The following GRID2IP variants were observed in gnomAD, a reference collection of about 807,000 sequenced individuals.
The protein encoded by GRID2IP is delphilin.
GRID2IP carries 78 observed loss-of-function variants against 114.3 expected under a neutral mutation model. The observed-to-expected ratio is 0.68, with a 90% CI of 0.57 to 0.82. GRID2IP has a LOEUF of 0.82. GRID2IP is among the 40% of genes least tolerant of loss of function. The pLI is 0.00. For missense variants in GRID2IP, 1,727 were observed against 1,678.5 expected (o/e 1.03, Z -0.51); for synonymous variants, 809 against 724.0 (o/e 1.12, Z -1.89).
Position 6,539,821 on chromosome 7 carries a change from C to T in GRID2IP, c.481G>A (p.Ala161Thr). 1 of 1,551,202 alleles carries T rather than the reference C, an allele frequency of 6.4e-7. No homozygotes were observed. The highest frequency in any genetic ancestry group is 8.7e-7 in the Non-Finnish European group (1 of 1,146,958). The part of the protein sequence containing the change: ...QPTAKEQVFA[A>T]LKQFAAEQRV... ...TGCTCAGCTGCAAACTGCTTCAGTG[C>T]AGCGAACACCTGCTCCTTGGCAGTT... Residue 161 changes from alanine to threonine, a missense_variant, in exon 2 of 22, where the codon GCA becomes ACA. By Grantham distance (58) the Ala-to-Thr change is moderately conservative (BLOSUM62 0). Transcript: ENST00000457091.
Position 6,503,784 on chromosome 7 carries a change from A to C in GRID2IP, c.2711-97T>G, listed in dbSNP as rs1182565086. ...CAGGGCAGAGGCGGGGAGAGGGCGG[A>C]CACGGGGCGGGGCCTAGGGGAGAGG... is the stretch of plus-strand genomic sequence containing the variant. On this transcript the variant is annotated intron_variant, in intron 15 of 21. Coordinates refer to ENST00000457091, the MANE Select transcript of GRID2IP (RefSeq NM_001145118.2). The C allele has an allele frequency of 6.9e-6, 6 of 872,624 alleles. No individual in the cohort carries two copies. In the African/African-American group the frequency reaches 1.1e-4, roughly 16 times the overall value. The allele number at this position is 872,624 out of a possible 1,614,324, so 54.1% of individuals were successfully genotyped here. A position where few individuals can be genotyped will look rare whatever the true frequency, so the allele number is the denominator to read the frequency against.
intron 8 of GRID2IP, among the ~76,000 whole-genome samples, chr7:6,512,478 C>T: frequency 6.6e-6 from 1 of 151,454 alleles, no homozygotes; most frequent in Non-Finnish European, 1.5e-5. Flanking sequence ...GTAGCTGGGA[C>T]TACAGGTGCA....
At chr7:6,501,022 A>G (rs1433879004) in intron 20 of GRID2IP, among the ~76,000 whole-genome samples, 1 of 152,206 alleles carries the variant, frequency 6.6e-6, no homozygotes, top group African/African-American at 2.4e-5. Flanking sequence ...CTCTGGCTTC[A>G]GTTTCACACA....
chr7:6,514,640 C>G lies in GRID2IP; in HGVS notation c.1269-111G>C, dbSNP rs527309828. 7.4e-5 allele frequency: 70 copies of G among 942,454 alleles called. No homozygotes were observed. In the African/African-American group the frequency reaches 1.0e-3, roughly 14 times the overall value. The allele number at this position is 942,454 out of a possible 1,614,324, so 58.4% of individuals were successfully genotyped here. ...AAGCCACAGCGTCTGCCCTCATGCC[C>G]TATCCCTACCCTTCAAAGACAGAAG... On this transcript the variant is annotated intron_variant, in intron 7 of 21. Transcript: ENST00000457091.
At position 6,501,975 on chromosome 7, in the gene GRID2IP, C is replaced by A; in HGVS notation, c.3280+14G>T. On this transcript the variant is annotated intron_variant, in intron 19 of 21. Transcript: ENST00000457091. ...CAGCATGCCTCTGCCTCCCCATCCA[C>A]CCACCCAGCATACCTTTGGCAGCCA... is the stretch of plus-strand genomic sequence containing the variant. 1 of 1,551,068 alleles carries A rather than the reference C, an allele frequency of 6.4e-7. No individual in the cohort carries two copies. Among genetic ancestry groups the A allele is most frequent in the Non-Finnish European group, 8.7e-7 (1 of 1,146,696 alleles).
chr7:6,521,366 C>T lies in GRID2IP; in HGVS notation c.1084+63G>A. Reference sequence around the variant, plus strand: ...TGAGTCCTCCGCACTGTGACTCTCACATATAGCAGCCTGGGCAGGGTCTCT... The same window carrying T: ...TGAGTCCTCCGCACTGTGACTCTCATATATAGCAGCCTGGGCAGGGTCTCT... On this transcript the variant is annotated intron_variant, in intron 6 of 21. Transcript: ENST00000457091. This position sits in a 1 kb window ranked among gnomAD's most constrained non-coding sequence, Gnocchi z 4.1. The T allele has an allele frequency of 8.2e-7, 1 of 1,220,596 alleles. No homozygotes were observed. 75.6% of individuals were successfully genotyped at this position (1,220,596 alleles called of 1,614,324 possible).
At chr7:6,511,845 CCTTCCTTCT>C (rs1040840517) in intron 8 of GRID2IP, among the ~76,000 whole-genome samples, 3 of 151,998 alleles carry the variant, frequency 2.0e-5, no homozygotes, top group African/African-American at 7.2e-5. Flanking sequence ...CCTTTCCTTT[CCTTCCTTCT>C]CTTCCTTCTC....
chr7:6,521,501 C>T lies in GRID2IP; in HGVS notation c.1012G>A (p.Val338Met), dbSNP rs1779411033. Residue 338 changes from valine to methionine, a missense_variant, in exon 6 of 22, where the codon GTG becomes ATG. Val to Met is a conservative substitution (Grantham distance 21). Coordinates refer to ENST00000457091, the MANE Select transcript of GRID2IP (RefSeq NM_001145118.2). This position sits in a 1 kb window ranked among gnomAD's most constrained non-coding sequence, Gnocchi z 4.1. ...GCACCACTGCCCTGCAGCATGGACA[C>T]CACCTTGTCGTGGGAGCAGTTCCTG... is the stretch of plus-strand genomic sequence containing the variant. Reference protein sequence around the residue: ...DMRNCSHDKVVSMLQGSGAMP... With the variant: ...DMRNCSHDKVMSMLQGSGAMP... 6.5e-7 allele frequency: 1 copy of T among 1,549,190 alleles called. No homozygotes were observed. Among genetic ancestry groups the T allele is most frequent in the South Asian group, 1.2e-5 (1 of 83,742 alleles).
chr7:6,504,956 G>T, intron 14 of GRID2IP, 86 bp from the exon 15 acceptor site: 1 of 1,039,952 alleles, frequency 9.6e-7, no homozygotes, highest in Non-Finnish European at 1.5e-6. Flanking sequence ...ACAGCCAACA[G>T]CCACTATCCC....
Position 6,521,396 on chromosome 7 carries a change from G to T in GRID2IP, c.1084+33C>A. On this transcript the variant is annotated intron_variant, in intron 6 of 21. Coordinates refer to ENST00000457091, the MANE Select transcript of GRID2IP (RefSeq NM_001145118.2). The surrounding 1 kb of genome is among the most constrained non-coding windows in gnomAD (Gnocchi z 4.1). ...AGCAGCCTGGGCAGGGTCTCTGGGG[G>T]CCAAGGAAGCCAAGTGTCCATGGGG... 6.9e-7 allele frequency: 1 copy of T among 1,447,220 alleles called. No individual in the cohort carries two copies. The highest frequency in any genetic ancestry group is 9.4e-7 in the Non-Finnish European group (1 of 1,069,508). 89.6% of individuals were successfully genotyped at this position (1,447,220 alleles called of 1,614,324 possible).
rs1204878007 is a variant in GRID2IP at position 6,507,701 on chromosome 7, A to C, written c.2544+284T>G. Among the ~76,000 whole-genome samples the C allele has an allele frequency of 2.0e-5, 3 of 152,180 alleles. No homozygotes were observed. Among genetic ancestry groups the C allele is most frequent in the Non-Finnish European group, 4.4e-5 (3 of 68,042 alleles). ...GAACCAGCTGCTCTTTTAAAGGTTT[A>C]AGAGAACTTGTCTGGCCTCAAAAGT... On this transcript the variant is annotated intron_variant, in intron 13 of 21. Coordinates refer to ENST00000457091, the MANE Select transcript of GRID2IP (RefSeq NM_001145118.2). This position sits in a 1 kb window ranked among gnomAD's most constrained non-coding sequence, Gnocchi z 5.3.
At chr7:6,515,068 C>A (rs917568762) in intron 7 of GRID2IP, among the ~76,000 whole-genome samples, 5 of 152,056 alleles carry the variant, frequency 3.3e-5, no homozygotes, top group African/African-American at 1.2e-4. Context: ...AGCTAAGTGA[C>A]CTTTCTCAAG....
At chr7:6,549,816 T>G (rs1315782144) in intron 1 of GRID2IP, among the ~76,000 whole-genome samples, 2 of 150,540 alleles carry the variant, frequency 1.3e-5, no homozygotes, top group Admixed American at 1.3e-4. Context: ...TTTTTGATAG[T>G]GATGGGATTT....
chr7:6,526,676 G>A lies in GRID2IP; in HGVS notation c.678C>T (p.Gly226=), dbSNP rs1314126487. ...TGCGGCTCCGGCGCAGTCGCTGCGC[G>A]CCCTGGGCCCGGCGTGCGCGGCACA... The part of the protein sequence containing the change: ...GKLCRARRAQ[G]AQRLRRSRSE... Residue 226 remains glycine (G), a synonymous_variant, in exon 3 of 22, where the codon GGC becomes GGT. Transcript: ENST00000457091. The surrounding 1 kb of genome is among the most constrained non-coding windows in gnomAD (Gnocchi z 7.6). 5 of 1,470,070 alleles carry A rather than the reference G, an allele frequency of 3.4e-6. No homozygotes were observed. The African/African-American group carries it at 5.9e-5, about 17-fold the overall frequency. The allele number at this position is 1,470,070 out of a possible 1,614,324, so 91.1% of individuals were successfully genotyped here. A position where few individuals can be genotyped will look rare whatever the true frequency, so the allele number is the denominator to read the frequency against.
Position 6,526,707 on chromosome 7 carries a change from C to G in GRID2IP, c.647G>C (p.Gly216Ala), listed in dbSNP as rs1312957040. The part of the protein sequence containing the change: ...FDEVVSQGLL[G>A]KLCRARRAQG... The stretch of plus-strand genomic sequence containing the variant: ...GGCCCGGCGTGCGCGGCACAGCTTG[C>G]CCAGGAGGCCCTGAGACACCACCTC... The change falls in exon 3 of 22, where the codon GGC becomes GCC. Residue 216 changes from glycine (G) to alanine (A), a missense_variant. Physicochemically the swap from Gly to Ala is moderately conservative, Grantham distance 60 (BLOSUM62 0). Coordinates refer to ENST00000457091, the MANE Select transcript of GRID2IP (RefSeq NM_001145118.2). This position sits in a 1 kb window ranked among gnomAD's most constrained non-coding sequence, Gnocchi z 7.6. The G allele has an allele frequency of 6.6e-7, 1 of 1,511,816 alleles. No homozygotes were observed. The highest frequency in any genetic ancestry group is 2.8e-5 in the East Asian group (1 of 35,610). The allele number at this position is 1,511,816 out of a possible 1,614,324, so 93.7% of individuals were successfully genotyped here.
chr7:6,539,326 T>G (rs368109006), intron 2 of GRID2IP, among the ~76,000 whole-genome samples: 2 of 152,138 alleles, frequency 1.3e-5, no homozygotes, highest in Non-Finnish European at 2.9e-5. Context: ...GGGGTCTTTC[T>G]ATGTTGCGTG....
intron 18 of GRID2IP, 111 bp downstream of exon 18, chr7:6,502,675 C>T (rs1786451678): frequency 1.6e-6 from 1 of 639,334 alleles, no homozygotes; most frequent in African/African-American, 1.8e-5. Flanking sequence ...GAGGAGAGCC[C>T]TCCTTGGTCA....
In GRID2IP at chr7:6,508,371, C is replaced by G. The variant is rs576989010; in HGVS notation, c.2158G>C (p.Val720Leu). ...CTGGCGCTGCTCCGCTCATTGGTTA[C>G]GAAGCTGCCCTGGTCATCATGGAAG... ...MSFHDDQGSF[V>L]TNERSSASDC... Residue 720 changes from valine to leucine, a missense_variant, in exon 13 of 22, where the codon GTA becomes CTA. Val to Leu is a conservative substitution (Grantham distance 32). Coordinates refer to ENST00000457091, the MANE Select transcript of GRID2IP (RefSeq NM_001145118.2). This position sits in a 1 kb window ranked among gnomAD's most constrained non-coding sequence, Gnocchi z 5.6. 1 of 1,551,462 alleles carries G rather than the reference C, an allele frequency of 6.4e-7. No homozygotes were observed. The highest frequency in any genetic ancestry group is 2.4e-5 in the East Asian group (1 of 40,912).
Position 6,508,745 on chromosome 7 carries a change from A to T in GRID2IP, c.2127+213T>A, listed in dbSNP as rs1461657415. On this transcript the variant is annotated intron_variant, in intron 12 of 21. Transcript: ENST00000457091. The surrounding 1 kb of genome is among the most constrained non-coding windows in gnomAD (Gnocchi z 5.6). ...AATGGGCTAACCTGCGACAGGGAAT[A>T]TGGGCTAGCCTCAGTCAAGGAGCAT... is the stretch of plus-strand genomic sequence containing the variant. Among the ~76,000 whole-genome samples the T allele has an allele frequency of 1.3e-5, 2 of 152,124 alleles. No homozygotes were observed. Among genetic ancestry groups the T allele is most frequent in the Non-Finnish European group, 2.9e-5 (2 of 68,014 alleles).
Sources: gnomAD v4.1 joint callset for allele counts (sites outside exome capture counted in the v4.1 genomes callset) on GRCh38, gnomAD v4.1.1 for gene constraint, Gnocchi (gnomAD v3.1) non-coding constraint, MANE v1.5 for transcripts, NCBI Gene and HGNC (gene_info 2026-07-23, HGNC 2026-07-21) for gene names.